Variants in NOS1AP observed in about 807,000 individuals in gnomAD.
NOS1AP encodes carboxyl-terminal PDZ ligand of neuronal nitric oxide synthase protein.
In NOS1AP, 21 loss-of-function variants were observed where a neutral mutation model predicts 56.2. That is an observed-to-expected ratio of 0.37 (90% CI 0.26 to 0.54). The LOEUF (loss-of-function observed/expected upper bound fraction) is 0.54. Among genes scored for constraint, NOS1AP ranks in the 20% least tolerant of loss-of-function variants. NOS1AP has a pLI of 0.84. For synonymous variants in NOS1AP, 270 were observed against 274.6 expected (o/e 0.98, Z 0.17); for missense variants, 522 against 657.8 (o/e 0.79, Z 2.26).
At chr1:162,238,724 G>A (rs10918951) in intron 2 of NOS1AP, among the ~76,000 whole-genome samples, 12,972 of 152,092 alleles carry the variant, frequency 0.085, 828 homozygotes, top group African/African-American at 0.19. Context: ...ATCTCTTATA[G>A]TTGCTGCGTA....
intron 1 of NOS1AP, among the ~76,000 whole-genome samples, chr1:162,081,774 A>ATATATATATTTTTTTTT: frequency 5.9e-4 from 26 of 44,048 alleles, no homozygotes; most frequent in Middle Eastern, 0.012. Context: ...ATATATATAT[A>ATATATATATTTTTTTTT]TTTTTTTTTT....
chr1:162,215,031 C>T (rs1652515362), intron 2 of NOS1AP, among the ~76,000 whole-genome samples: 1 of 152,232 alleles, frequency 6.6e-6, no homozygotes, highest in Non-Finnish European at 1.5e-5. Context: ...CCTCTGGCTT[C>T]ACCCCAACCC....
At chr1:162,246,979 G>A (rs1229101690) in intron 2 of NOS1AP, among the ~76,000 whole-genome samples, 1 of 152,190 alleles carries the variant, frequency 6.6e-6, no homozygotes, top group South Asian at 2.1e-4. Flanking sequence ...CATATTTAAA[G>A]CTAAAACTGA....
chr1:162,078,905 A>G (rs551668899), intron 1 of NOS1AP, among the ~76,000 whole-genome samples: 48 of 151,956 alleles, frequency 3.2e-4, no homozygotes, highest in Admixed American at 5.2e-4. Flanking sequence ...GTCCTGTCCA[A>G]TTTTCATCCC....
At chr1:162,175,176 A>G (rs4542199) in intron 2 of NOS1AP, among the ~76,000 whole-genome samples, 77,328 of 151,634 alleles carry the variant, frequency 0.51, 21,354 homozygotes, top group Non-Finnish European at 0.63. Context: ...GTCGTTATGC[A>G]TGGTCTGCAC....
chr1:162,274,713 A>T (rs1443905417), intron 2 of NOS1AP, among the ~76,000 whole-genome samples: 3 of 152,214 alleles, frequency 2.0e-5, no homozygotes, highest in Non-Finnish European at 2.9e-5. Flanking sequence ...AGACTTTAAA[A>T]ATCCCAGTGG....
Position 162,369,980 on chromosome 1 carries a change from C to T in NOS1AP, c.*2513C>T, listed in dbSNP as rs1647342766. 1 of 152,570 alleles carries T rather than the reference C, an allele frequency of 6.6e-6. No individual in the cohort carries two copies. Among genetic ancestry groups the T allele is most frequent in the African/African-American group, 2.4e-5 (1 of 41,450 alleles). The allele number at this position is 152,570 out of a possible 1,614,324, so 9.5% of individuals were successfully genotyped here. A position where few individuals can be genotyped will look rare whatever the true frequency, so the allele number is the denominator to read the frequency against. Reference sequence around the variant, plus strand: ...TCCTCCCTCCTTGCTTCTTGCTCTGCTAACTCAACTCTGCCTTCCTCTTTT... The same window carrying T: ...TCCTCCCTCCTTGCTTCTTGCTCTGTTAACTCAACTCTGCCTTCCTCTTTT... On this transcript the variant is annotated 3_prime_UTR_variant, in exon 10 of 10. Transcript: ENST00000361897.
intron 2 of NOS1AP, among the ~76,000 whole-genome samples, chr1:162,155,390 T>TAGAG (rs538930877): frequency 0.1 from 532 of 5,208 alleles, 6 homozygotes; most frequent in South Asian, 0.44. Flanking sequence ...AGCTTATATA[T>TAGAG]ATAGAGAGCT....
intron 2 of NOS1AP, among the ~76,000 whole-genome samples, chr1:162,157,962 C>A (rs1221710973): frequency 6.6e-6 from 1 of 152,098 alleles, no homozygotes; most frequent in African/African-American, 2.4e-5. Flanking sequence ...CTGTCTTGAG[C>A]GTATTTTGCT....
intron 6 of NOS1AP, among the ~76,000 whole-genome samples, chr1:162,351,502 C>A (rs429414): frequency 1 from 151,169 of 151,854 alleles, 75,248 homozygotes; most frequent in Middle Eastern, 1. Context: ...GCTTGTCCCC[C>A]CCTTCTGTCT....
intron 1 of NOS1AP, among the ~76,000 whole-genome samples, chr1:162,124,872 T>A (rs1490242048): frequency 6.6e-6 from 1 of 152,134 alleles, no homozygotes; most frequent in Non-Finnish European, 1.5e-5. Context: ...GGCACTTAGG[T>A]TGATTCCTTG....
chr1:162,125,841 G>A (rs745916313), intron 1 of NOS1AP, among the ~76,000 whole-genome samples: 8 of 151,958 alleles, frequency 5.3e-5, no homozygotes, highest in East Asian at 1.9e-4. Flanking sequence ...GAATTACATC[G>A]AATCTGTAGA....
At chr1:162,218,092 C>T (rs1652642239) in intron 2 of NOS1AP, among the ~76,000 whole-genome samples, 1 of 152,174 alleles carries the variant, frequency 6.6e-6, no homozygotes, top group African/African-American at 2.4e-5. Flanking sequence ...AACCTGGGGC[C>T]TTTCTCTTCC....
chr1:162,081,560 C>G (rs1462831962), intron 1 of NOS1AP, among the ~76,000 whole-genome samples: 2 of 141,004 alleles, frequency 1.4e-5, no homozygotes, highest in Non-Finnish European at 3.1e-5. Flanking sequence ...TTTTTTTTTC[C>G]TTTTGAGATG....
chr1:162,227,381 A>AT (rs997010164), intron 2 of NOS1AP, among the ~76,000 whole-genome samples: 3 of 152,252 alleles, frequency 2.0e-5, no homozygotes, highest in African/African-American at 7.2e-5. Context: ...TAAAAATATA[A>AT]CAATTAAAAA....
At chr1:162,116,116 C>A (rs1647938202) in intron 1 of NOS1AP, among the ~76,000 whole-genome samples, 1 of 152,132 alleles carries the variant, frequency 6.6e-6, no homozygotes, top group South Asian at 2.1e-4. Context: ...TAGGTTTAGC[C>A]TTTGTGAGGC....
At chr1:162,251,872 T>TG (rs1424610994) in intron 2 of NOS1AP, among the ~76,000 whole-genome samples, 18 of 52,700 alleles carry the variant, frequency 3.4e-4, no homozygotes, top group South Asian at 1.9e-3. Context: ...TTTTTTTGTT[T>TG]TTTTTTTTTT....
intron 2 of NOS1AP, among the ~76,000 whole-genome samples, chr1:162,173,732 A>T (rs1251397312): frequency 6.6e-6 from 1 of 152,090 alleles, no homozygotes; most frequent in East Asian, 1.9e-4. Context: ...AAAACAAACA[A>T]CCCCATCAAC....
At chr1:162,316,422 T>G (rs1187278817) in intron 4 of NOS1AP, among the ~76,000 whole-genome samples, 2 of 152,236 alleles carry the variant, frequency 1.3e-5, no homozygotes, top group Non-Finnish European at 2.9e-5. Flanking sequence ...CACACCCTCC[T>G]TCCTCTGGTT....
Sources: gnomAD v4.1 joint callset for allele counts (sites outside exome capture counted in the v4.1 genomes callset) on GRCh38, gnomAD v4.1.1 for gene constraint, MANE v1.5 for transcripts, NCBI Gene and HGNC (gene_info 2026-07-23, HGNC 2026-07-21) for gene names.